Variants in CIT observed in about 807,000 individuals in gnomAD.
CIT encodes citron Rho-interacting kinase.
In CIT, 79 loss-of-function variants were observed where a neutral mutation model predicts 272.7. The observed-to-expected ratio is 0.29, with a 90% CI of 0.24 to 0.35. The LOEUF (loss-of-function observed/expected upper bound fraction) is 0.35. CIT is among the 10% of genes least tolerant of loss of function. The pLI, the probability that CIT is intolerant of heterozygous loss-of-function variation, is 1.00. For missense variants in CIT, 1,909 were observed against 2,618.3 expected, an observed-to-expected ratio of 0.73 and a Z score of 5.91; for synonymous variants, 948 against 995.6, an observed-to-expected ratio of 0.95 and a Z score of 0.90.
intron 10 of CIT, among the ~76,000 whole-genome samples, chr12:119,794,798 C>T (rs1965601029): frequency 6.6e-6 from 1 of 152,214 alleles, no homozygotes; most frequent in South Asian, 2.1e-4. Flanking sequence ...TACCCATCCT[C>T]GGACCTAAAT....
chr12:119,785,841 A>C (rs907186057), intron 10 of CIT, among the ~76,000 whole-genome samples: 5 of 152,110 alleles, frequency 3.3e-5, no homozygotes, highest in African/African-American at 1.2e-4. Context: ...CAGCCTCCCA[A>C]AGTGCTGGGA....
At chr12:119,818,473 T>C (rs573042153) in intron 9 of CIT, among the ~76,000 whole-genome samples, 6 of 152,340 alleles carry the variant, frequency 3.9e-5, no homozygotes, top group South Asian at 2.1e-4. Context: ...TGAGGTTTCA[T>C]TGTCACTATT....
At chr12:119,762,064 A>T (rs1427731403) in intron 19 of CIT, among the ~76,000 whole-genome samples, 1 of 152,230 alleles carries the variant, frequency 6.6e-6, no homozygotes, top group Admixed American at 6.5e-5. Flanking sequence ...TAAAGCTGAA[A>T]GAGCTGGGGT....
rs552180458 is a variant in CIT at position 119,784,887 on chromosome 12, G to C, written c.1401+73C>G. On this transcript the variant is annotated intron_variant, in intron 11 of 47. Coordinates refer to ENST00000392521, the MANE Select transcript of CIT (RefSeq NM_001206999.2). This position sits in a 1 kb window ranked among gnomAD's most constrained non-coding sequence, Gnocchi z 4.7. ...GCGGCTCAGAGCCAGCAGCGGCCCC[G>C]GGCGGATCCCTTGGCATATACGGAC... is the stretch of plus-strand genomic sequence containing the variant. 11 of 1,570,886 alleles carry C rather than the reference G, an allele frequency of 7.0e-6. No individual in the cohort carries two copies. Among genetic ancestry groups the C allele is most frequent in the Non-Finnish European group, 9.5e-6 (11 of 1,158,148 alleles).
rs537103683 is a variant in CIT, at chr12:119,867,465, C to T, written c.238+1595G>A. 9.9e-5 allele frequency among the ~76,000 whole-genome samples: 15 copies of T among 152,284 alleles called. No individual in the cohort carries two copies. In the East Asian group the frequency reaches 2.1e-3, roughly 22 times the overall value. On this transcript the variant is annotated intron_variant, in intron 3 of 47. Transcript: ENST00000392521. ...AGCCTCCCAAAGCGCTGGGCTTACA[C>T]GCATGAGCCACCGCGCCCAGCCACA...
chr12:119,712,361 G>A lies in CIT; in HGVS notation c.4685-14C>T, dbSNP rs753925941. 1 of 1,602,440 alleles carries A rather than the reference G, an allele frequency of 6.2e-7. No homozygotes were observed. The highest frequency in any genetic ancestry group is 2.2e-5 in the East Asian group (1 of 44,724). Reference sequence around the variant, plus strand: ...TGTATGGGACATCTAGGAGATTTCAGAGAGCACAGGATTGGGTGTGGATTT... The same window carrying A: ...TGTATGGGACATCTAGGAGATTTCAAAGAGCACAGGATTGGGTGTGGATTT... On this transcript the variant is annotated splice_polypyrimidine_tract_variant and intron_variant, in intron 36 of 47. Coordinates refer to ENST00000392521, the MANE Select transcript of CIT (RefSeq NM_001206999.2). The surrounding 1 kb of genome is among the most constrained non-coding windows in gnomAD (Gnocchi z 5.2).
intron 3 of CIT, among the ~76,000 whole-genome samples, chr12:119,864,924 C>T (rs540841282): frequency 6.6e-6 from 1 of 152,254 alleles, no homozygotes; most frequent in African/African-American, 2.4e-5. Flanking sequence ...CAGAGCTACA[C>T]TCTATTCCAT....
At chr12:119,775,500 G>T (rs1193245984) in intron 16 of CIT, among the ~76,000 whole-genome samples, 1 of 152,192 alleles carries the variant, frequency 6.6e-6, no homozygotes, top group Non-Finnish European at 1.5e-5. Flanking sequence ...GCCCCCTGAG[G>T]CGAGAGATGC....
chr12:119,867,688 C>T (rs934613940), intron 3 of CIT, among the ~76,000 whole-genome samples: 1 of 151,986 alleles, frequency 6.6e-6, no homozygotes, highest in East Asian at 1.9e-4. Context: ...ACCCTTCCCC[C>T]CAAACTCACA....
chr12:119,767,585 T>A lies in CIT; in HGVS notation c.2209-403A>T, dbSNP rs576886148. Among the ~76,000 whole-genome samples, 12 of 152,370 alleles carry A rather than the reference T, an allele frequency of 7.9e-5. No individual in the cohort carries two copies. The South Asian group carries it at 1.9e-3, about 24-fold the overall frequency. On this transcript the variant is annotated intron_variant, in intron 18 of 47. Coordinates refer to ENST00000392521, the MANE Select transcript of CIT (RefSeq NM_001206999.2). ...CATTTTAATATATGATTATGATTTT[T>A]AAAAATACTTTGTATTTTCCTCATT...
chr12:119,704,547 T>C (rs1239011388), intron 40 of CIT, 92 bp from the exon 41 acceptor site: 2 of 1,096,682 alleles, frequency 1.8e-6, no homozygotes, highest in South Asian at 1.3e-5. Context: ...TCAGCGCCAT[T>C]GATGATTCAG....
At chr12:119,876,809 G>A (rs1950863784) in intron 1 of CIT, among the ~76,000 whole-genome samples, 1 of 152,164 alleles carries the variant, frequency 6.6e-6, no homozygotes, top group Non-Finnish European at 1.5e-5. Context: ...GAGGCCAGAC[G>A]GACTGGAGCA....
intron 9 of CIT, among the ~76,000 whole-genome samples, chr12:119,815,472 C>T (rs981077701): frequency 6.6e-6 from 1 of 152,014 alleles, no homozygotes; most frequent in Non-Finnish European, 1.5e-5. Flanking sequence ...TTTGGGAGGC[C>T]GAGGTGGGCG....
At chr12:119,871,138 C>T (rs976971836) in intron 2 of CIT, among the ~76,000 whole-genome samples, 2 of 146,644 alleles carry the variant, frequency 1.4e-5, no homozygotes, top group African/African-American at 2.5e-5. Flanking sequence ...AAAAAAGTTA[C>T]GAGTCCTGGG....
At position 119,742,687 on chromosome 12, in the gene CIT, T is replaced by A. The variant is rs56101648; in HGVS notation, c.2905-223A>T. 8.3e-3 allele frequency: 3,532 copies of A among 423,722 alleles called. 30 individuals are homozygous for A. Among genetic ancestry groups the A allele is most frequent in the Non-Finnish European group, 0.012 (2,937 of 239,162 alleles). The allele number at this position is 423,722 out of a possible 1,614,324, so 26.2% of individuals were successfully genotyped here. A position where few individuals can be genotyped will look rare whatever the true frequency, so the allele number is the denominator to read the frequency against. On this transcript the variant is annotated intron_variant, in intron 23 of 47. Transcript: ENST00000392521. The stretch of plus-strand genomic sequence containing the variant: ...AACAATTAATTCTTTAGACCATACA[T>A]GCACACCCTGTACAAATATTTTTAA...
intron 26 of CIT, 74 bp downstream of exon 26, chr12:119,734,090 A>G: frequency 1.4e-6 from 2 of 1,470,146 alleles, no homozygotes; most frequent in Non-Finnish European, 1.9e-6. Context: ...ATAGCTGATC[A>G]CCCTGTCCAC....
intron 7 of CIT, among the ~76,000 whole-genome samples, chr12:119,829,577 G>C (rs146287868): frequency 1.7e-3 from 263 of 152,272 alleles, no homozygotes; most frequent in African/African-American, 5.8e-3. Flanking sequence ...TTGTGGGGTT[G>C]CAACTGCCAA....
chr12:119,832,236 G>C (rs1459104985), intron 7 of CIT, among the ~76,000 whole-genome samples: 2 of 152,040 alleles, frequency 1.3e-5, no homozygotes, highest in East Asian at 3.9e-4. Flanking sequence ...TCTCACTCTT[G>C]ATCTCAGTAG....
intron 44 of CIT, among the ~76,000 whole-genome samples, chr12:119,700,103 G>C (rs1227487913): frequency 6.6e-6 from 1 of 152,220 alleles, no homozygotes; most frequent in Non-Finnish European, 1.5e-5. Context: ...AAGTGAACAG[G>C]TGTTCAGCTA....
Sources: gnomAD v4.1 joint callset for allele counts (sites outside exome capture counted in the v4.1 genomes callset) on GRCh38, gnomAD v4.1.1 for gene constraint, Gnocchi (gnomAD v3.1) non-coding constraint, MANE v1.5 for transcripts, NCBI Gene and HGNC (gene_info 2026-07-23, HGNC 2026-07-21) for gene names.